The following LRRC8D variants were observed in gnomAD, a reference collection of about 807,000 sequenced individuals.
LRRC8D encodes leucine rich repeat containing 8 VRAC subunit D.
In LRRC8D, 20 loss-of-function variants were observed where a neutral mutation model predicts 55.8. The ratio of observed to expected loss-of-function variants is 0.36; its 90% CI spans 0.25 to 0.52. LRRC8D has a LOEUF of 0.52. Ranked by LOEUF, LRRC8D falls within the 20% of genes least tolerant of loss-of-function variation. LRRC8D has a pLI of 0.93. For synonymous variants in LRRC8D, 352 were observed against 377.0 expected, an observed-to-expected ratio of 0.93 and a Z score of 0.77; for missense variants, 651 against 1,030.8, an observed-to-expected ratio of 0.63 and a Z score of 5.05.
At chr1:89,840,179 G>GT (rs1661097564) in intron 1 of LRRC8D, among the ~76,000 whole-genome samples, 1 of 152,066 alleles carries the variant, frequency 6.6e-6, no homozygotes. Flanking sequence ...TTTTTATGAG[G>GT]TTGTGATTTT....
intron 2 of LRRC8D, among the ~76,000 whole-genome samples, chr1:89,930,671 T>TG (rs1330414913): frequency 1.3e-5 from 2 of 152,086 alleles, no homozygotes; most frequent in Admixed American, 1.3e-4. Context: ...CAGGTATGAC[T>TG]GTTACGTTCC....
intron 2 of LRRC8D, among the ~76,000 whole-genome samples, chr1:89,906,718 C>G (rs1420838488): frequency 6.6e-6 from 1 of 152,096 alleles, no homozygotes; most frequent in African/African-American, 2.4e-5. Flanking sequence ...CTTAGATGGG[C>G]TCTGGAGTAT....
At chr1:89,844,354 G>A (rs1184671743) in intron 2 of LRRC8D, among the ~76,000 whole-genome samples, 1 of 152,116 alleles carries the variant, frequency 6.6e-6, no homozygotes, top group South Asian at 2.1e-4. Context: ...TTTCTGTTTT[G>A]GGAAAGCCAG....
At chr1:89,833,421 A>T (rs2100715444) in intron 1 of LRRC8D, among the ~76,000 whole-genome samples, 1 of 152,290 alleles carries the variant, frequency 6.6e-6, no homozygotes, top group East Asian at 1.9e-4. Context: ...AACAGCACAA[A>T]ACCCATCTTG....
chr1:89,916,628 G>A (rs1020015019), intron 2 of LRRC8D, among the ~76,000 whole-genome samples: 1 of 152,016 alleles, frequency 6.6e-6, no homozygotes, highest in Non-Finnish European at 1.5e-5. Context: ...TGTAATATTT[G>A]ACTGATGTAT....
In LRRC8D at chr1:89,933,244, C is replaced by A; in HGVS notation, c.176C>A (p.Pro59Gln). 6.2e-7 allele frequency: 1 copy of A among 1,614,108 alleles called. No individual in the cohort carries two copies. The highest frequency in any genetic ancestry group is 8.5e-7 in the Non-Finnish European group (1 of 1,180,038). The change falls in exon 3 of 3, where the codon CCA (proline) becomes CAA (glutamine). Residue 59 changes from proline to glutamine, a missense_variant. By Grantham distance (76) the Pro-to-Gln change is moderately conservative. Coordinates refer to ENST00000337338, the MANE Select transcript of LRRC8D (RefSeq NM_001134479.2). The surrounding 1 kb of genome is among the most constrained non-coding windows in gnomAD (Gnocchi z 7.0). ...KDQVVCLPVLPSPVNSKAHTP... is the reference protein window; with the variant it reads ...KDQVVCLPVLQSPVNSKAHTP... ...CAGGTGGTCTGTTTGCCAGTATTGC[C>A]ATCTCCTGTAAATTCAAAGGCACAT...
At chr1:89,889,648 G>A (rs541343366) in intron 2 of LRRC8D, among the ~76,000 whole-genome samples, 7 of 151,050 alleles carry the variant, frequency 4.6e-5, no homozygotes, top group Non-Finnish European at 8.8e-5. Context: ...TTGGGAGGCC[G>A]AGGCTGGTGG....
chr1:89,923,267 G>T (rs889814307), intron 2 of LRRC8D, among the ~76,000 whole-genome samples: 1 of 152,202 alleles, frequency 6.6e-6, no homozygotes, highest in Non-Finnish European at 1.5e-5. Flanking sequence ...TTTTGCAATA[G>T]ATGTACTATA....
intron 2 of LRRC8D, among the ~76,000 whole-genome samples, chr1:89,895,206 C>T (rs932521848): frequency 6.6e-5 from 10 of 152,154 alleles, no homozygotes; most frequent in East Asian, 3.8e-4. Flanking sequence ...TGTATTACTA[C>T]GCAAGAAAAG....
chr1:89,933,226 T>C lies in LRRC8D; in HGVS notation c.158T>C (p.Val53Ala). The change falls in exon 3 of 3, where the codon GTC becomes GCC. Residue 53 changes from valine (V) to alanine (A), a missense_variant. By Grantham distance (64) the Val-to-Ala change is moderately conservative (BLOSUM62 0). This residue lies in a region of LRRC8D where 118 missense variants were observed against 138.0 expected (regional missense o/e 0.85). Transcript: ENST00000337338. The surrounding 1 kb of genome is among the most constrained non-coding windows in gnomAD (Gnocchi z 7.0). The stretch of plus-strand genomic sequence containing the variant: ...ATGCAACTTACCAAAGATCAGGTGG[T>C]CTGTTTGCCAGTATTGCCATCTCCT... Reference protein sequence around the residue: ...GTMQLTKDQVVCLPVLPSPVN... With the variant: ...GTMQLTKDQVACLPVLPSPVN... 2 of 1,614,196 alleles carry C rather than the reference T, an allele frequency of 1.2e-6. No individual in the cohort carries two copies. Among genetic ancestry groups the C allele is most frequent in the Non-Finnish European group, 1.7e-6 (2 of 1,180,046 alleles).
intron 1 of LRRC8D, among the ~76,000 whole-genome samples, chr1:89,828,763 A>T (rs1398379909): frequency 6.6e-6 from 1 of 151,718 alleles, no homozygotes; most frequent in Non-Finnish European, 1.5e-5. Context: ...TTCTTAAAAC[A>T]TTTTTTTCTT....
chr1:89,858,030 A>C (rs1343180999), intron 2 of LRRC8D, among the ~76,000 whole-genome samples: 1 of 152,160 alleles, frequency 6.6e-6, no homozygotes, highest in Non-Finnish European at 1.5e-5. Flanking sequence ...GGAGTTCGAG[A>C]CCAGCCTGGC....
intron 2 of LRRC8D, among the ~76,000 whole-genome samples, chr1:89,920,922 T>G (rs1237277916): frequency 1.3e-5 from 2 of 152,226 alleles, no homozygotes; most frequent in Non-Finnish European, 2.9e-5. Flanking sequence ...CTCATTTGAT[T>G]TATTTCAATG....
chr1:89,851,096 T>C (rs1661405684), intron 2 of LRRC8D, among the ~76,000 whole-genome samples: 1 of 152,100 alleles, frequency 6.6e-6, no homozygotes, highest in East Asian at 1.9e-4. Flanking sequence ...TTTCTTTTCT[T>C]CTTTTGTTAG....
At chr1:89,874,653 T>C (rs1343383184) in intron 2 of LRRC8D, among the ~76,000 whole-genome samples, 1 of 152,154 alleles carries the variant, frequency 6.6e-6, no homozygotes, top group Non-Finnish European at 1.5e-5. Context: ...TCAGTATGTA[T>C]TGACAAAGGA....
chr1:89,899,859 C>T (rs1198493187), intron 2 of LRRC8D, among the ~76,000 whole-genome samples: 1 of 152,222 alleles, frequency 6.6e-6, no homozygotes, highest in African/African-American at 2.4e-5. Context: ...CCAACAATTC[C>T]TGCCTTGCAG....
intron 2 of LRRC8D, among the ~76,000 whole-genome samples, chr1:89,918,205 G>A (rs1663321848): frequency 6.6e-6 from 1 of 152,200 alleles, no homozygotes; most frequent in Admixed American, 6.5e-5. Context: ...CATCATGAAA[G>A]ACAAACTTCT....
chr1:89,873,231 AG>A (rs1361373296), intron 2 of LRRC8D, among the ~76,000 whole-genome samples: 1 of 152,176 alleles, frequency 6.6e-6, no homozygotes, highest in Non-Finnish European at 1.5e-5. Flanking sequence ...AACCCCTCAA[AG>A]CTGTCGATGC....
At position 89,935,375 on chromosome 1, in the gene LRRC8D, A is replaced by G. The variant is rs1663818920; in HGVS notation, c.2307A>G (p.Lys769=). The G allele has an allele frequency of 1.2e-6, 2 of 1,614,250 alleles. No homozygotes were observed. The highest frequency in any genetic ancestry group is 1.7e-6 in the Non-Finnish European group (2 of 1,180,040). Residue 769 remains lysine, a synonymous_variant, in exon 3 of 3, where the codon AAA becomes AAG. Coordinates refer to ENST00000337338, the MANE Select transcript of LRRC8D (RefSeq NM_001134479.2). ...GGAACAAAGTGGACATTCTGCCAAA[A>G]CAATTGTTTAAATGCATAAAGTTGA... is the stretch of plus-strand genomic sequence containing the variant. ...ITGNKVDILP[K]QLFKCIKLRT...
Sources: allele counts gnomAD v4.1 joint callset (sites outside exome capture counted in the v4.1 genomes callset), GRCh38; gene constraint gnomAD v4.1.1; regional missense constraint gnomAD v4.1.1; non-coding constraint Gnocchi (gnomAD v3.1); transcripts MANE v1.5; gene names NCBI Gene and HGNC (gene_info 2026-07-23, HGNC 2026-07-21).